The following ATRNL1 variants were observed in gnomAD, a reference collection of about 807,000 sequenced individuals.
The protein encoded by ATRNL1 is attractin like 1.
In ATRNL1, 95 loss-of-function variants were observed where a neutral mutation model predicts 182.7. The ratio of observed to expected loss-of-function variants is 0.52; its 90% CI spans 0.44 to 0.62. The LOEUF (loss-of-function observed/expected upper bound fraction) is 0.62, where lower values mean the gene tolerates loss of function less well. Ranked by LOEUF, ATRNL1 falls within the 20% of genes least tolerant of loss-of-function variation. The probability of loss-of-function intolerance (pLI) is 0.00; values close to 1 mark genes in which losing one functional copy is unlikely to be tolerated. For synonymous variants in ATRNL1, 576 were observed against 568.3 expected (o/e 1.01, Z -0.19); for missense variants, 1,471 against 1,679.5 (o/e 0.88, Z 2.17).
At chr10:115,770,318 C>T (rs1565363783) in intron 27 of ATRNL1, among the ~76,000 whole-genome samples, 1 of 151,950 alleles carries the variant, frequency 6.6e-6, no homozygotes, top group Non-Finnish European at 1.5e-5. Flanking sequence ...AAATGGCATA[C>T]TAAGCAATGA....
At chr10:115,840,844 GA>G (rs1202059101) in intron 27 of ATRNL1, among the ~76,000 whole-genome samples, 1 of 150,064 alleles carries the variant, frequency 6.7e-6, no homozygotes, top group South Asian at 2.1e-4. Context: ...GGAGGGGCCT[GA>G]AAAAAAAAGC....
At chr10:115,680,433 A>G (rs1946009610) in intron 26 of ATRNL1, among the ~76,000 whole-genome samples, 1 of 152,102 alleles carries the variant, frequency 6.6e-6, no homozygotes, top group Non-Finnish European at 1.5e-5. Context: ...CACTCAGTTT[A>G]TTGGCAAAAT....
chr10:115,446,055 A>G (rs1340884860), intron 21 of ATRNL1, among the ~76,000 whole-genome samples: 17 of 152,072 alleles, frequency 1.1e-4, no homozygotes, highest in Non-Finnish European at 8.8e-5. Flanking sequence ...GTGTAATATA[A>G]TATGCTTTTT....
In ATRNL1 at chr10:115,093,391, G is replaced by T; in HGVS notation, c.-360G>T. On this transcript the variant is annotated 5_prime_UTR_variant, in exon 1 of 29. Transcript: ENST00000355044. The surrounding 1 kb of genome is among the most constrained non-coding windows in gnomAD (Gnocchi z 6.1). ...GTTGGCGCGGGCCGCGGGCGAGGCG[G>T]GGCCGCGCGCGGGGTCCCCTCCTCC... The T allele has an allele frequency of 4.8e-6, 1 of 206,244 alleles. No homozygotes were observed. Among genetic ancestry groups the T allele is most frequent in the Non-Finnish European group, 9.6e-6 (1 of 104,154 alleles). The allele number at this position is 206,244 out of a possible 1,614,324, so 12.8% of individuals were successfully genotyped here. A position where few individuals can be genotyped will look rare whatever the true frequency, so the allele number is the denominator to read the frequency against.
chr10:115,362,398 A>C (rs1371697076), intron 19 of ATRNL1, among the ~76,000 whole-genome samples: 1 of 152,062 alleles, frequency 6.6e-6, no homozygotes, highest in East Asian at 1.9e-4. Context: ...TGTTTGGTTT[A>C]TGAGGATATA....
At chr10:115,263,945 T>G (rs1851498117) in intron 10 of ATRNL1, among the ~76,000 whole-genome samples, 1 of 151,750 alleles carries the variant, frequency 6.6e-6, no homozygotes, top group Non-Finnish European at 1.5e-5. Context: ...TTGAGAATAT[T>G]TAATAGGCAG....
intron 26 of ATRNL1, among the ~76,000 whole-genome samples, chr10:115,657,884 T>C (rs1860424560): frequency 6.6e-6 from 1 of 152,162 alleles, no homozygotes; most frequent in Non-Finnish European, 1.5e-5. Flanking sequence ...ACATAAAATG[T>C]ATCCTAACTA....
chr10:115,110,329 C>CA (rs1481258736), intron 1 of ATRNL1, among the ~76,000 whole-genome samples: 1 of 152,116 alleles, frequency 6.6e-6, no homozygotes, highest in African/African-American at 2.4e-5. Context: ...GCTAAAGACT[C>CA]AAAGCATAAA....
chr10:115,895,097 T>C (rs10490984), intron 28 of ATRNL1, among the ~76,000 whole-genome samples: 12,723 of 152,254 alleles, frequency 0.084, 1,594 homozygotes, highest in African/African-American at 0.27. Context: ...AGCTTCGTAT[T>C]TTAAGTTGCC....
At chr10:115,466,939 A>G (rs1406478173) in intron 22 of ATRNL1, among the ~76,000 whole-genome samples, 2 of 151,038 alleles carry the variant, frequency 1.3e-5, no homozygotes, top group East Asian at 3.9e-4. Flanking sequence ...TGGCTTACAT[A>G]CAAAAGACCA....
intron 28 of ATRNL1, among the ~76,000 whole-genome samples, chr10:115,871,469 T>TATATATATATATATATATA (rs1951579875): frequency 9.3e-5 from 13 of 140,314 alleles, no homozygotes; most frequent in African/African-American, 3.4e-4. Context: ...GTCAGATTCT[T>TATATATATATATATATATA]TGTGTGTGTG....
At chr10:115,172,975 A>G (rs575752618) in intron 8 of ATRNL1, among the ~76,000 whole-genome samples, 10 of 151,642 alleles carry the variant, frequency 6.6e-5, no homozygotes, top group African/African-American at 2.4e-4. Context: ...CTGGATGACT[A>G]TTTCATACCT....
chr10:115,131,234 G>A (rs1267179878), intron 5 of ATRNL1, among the ~76,000 whole-genome samples: 1 of 152,166 alleles, frequency 6.6e-6, no homozygotes. Context: ...GTGTATGTGT[G>A]TGTGTATGCA....
intron 8 of ATRNL1, among the ~76,000 whole-genome samples, chr10:115,198,306 A>G (rs569831110): frequency 1.3e-5 from 2 of 152,102 alleles, no homozygotes; most frequent in African/African-American, 4.8e-5. Flanking sequence ...GCATTTGTGT[A>G]TCTTCTTTTG....
chr10:115,506,200 T>A (rs547839813), intron 24 of ATRNL1, among the ~76,000 whole-genome samples: 1 of 152,210 alleles, frequency 6.6e-6, no homozygotes, highest in Admixed American at 6.6e-5. Flanking sequence ...GTGGGGAATT[T>A]AGCCACTTCA....
intron 27 of ATRNL1, among the ~76,000 whole-genome samples, chr10:115,814,243 C>A (rs925785527): frequency 6.6e-6 from 1 of 151,982 alleles, no homozygotes; most frequent in Non-Finnish European, 1.5e-5. Context: ...ATACTTTTAA[C>A]CTTGAGTCAT....
intron 18 of ATRNL1, among the ~76,000 whole-genome samples, chr10:115,317,503 A>G (rs1221855970): frequency 1.3e-5 from 2 of 152,140 alleles, no homozygotes; most frequent in African/African-American, 2.4e-5. Context: ...TTTTTACGAT[A>G]TTGATTCTTC....
Position 115,394,523 on chromosome 10 carries a change from T to C in ATRNL1, c.3176-136T>C, listed in dbSNP as rs1844191293. 9 of 649,708 alleles carry C rather than the reference T, an allele frequency of 1.4e-5. No individual in the cohort carries two copies. The South Asian group carries it at 1.7e-4, about 12-fold the overall frequency. 40.2% of individuals were successfully genotyped at this position (649,708 alleles called of 1,614,324 possible). On this transcript the variant is annotated intron_variant, in intron 19 of 28. Transcript: ENST00000355044. ...CCCTTTAATTAAAAATAATTTATAC[T>C]ATCTGGTAACCTTAGTTTTTGGATG... is the stretch of plus-strand genomic sequence containing the variant.
intron 19 of ATRNL1, among the ~76,000 whole-genome samples, chr10:115,382,744 A>C (rs914664533): frequency 4.6e-5 from 7 of 150,758 alleles, no homozygotes; most frequent in African/African-American, 1.7e-4. Flanking sequence ...TCTCCAGTAC[A>C]AGCATAAAAA....
Sources: gnomAD v4.1 joint callset for allele counts (sites outside exome capture counted in the v4.1 genomes callset) on GRCh38, gnomAD v4.1.1 for gene constraint, Gnocchi (gnomAD v3.1) non-coding constraint, MANE v1.5 for transcripts, NCBI Gene and HGNC (gene_info 2026-07-23, HGNC 2026-07-21) for gene names.